The following SRRM4 variants were observed in gnomAD, a reference collection of about 807,000 sequenced individuals.
SRRM4 encodes serine/arginine repetitive matrix 4.
In SRRM4, 33 loss-of-function variants were observed where a neutral mutation model predicts 68.9. The observed-to-expected ratio is 0.48, with a 90% CI of 0.36 to 0.64. The LOEUF is 0.64. Among genes scored for constraint, SRRM4 ranks in the 30% least tolerant of loss-of-function variants. The probability of loss-of-function intolerance (pLI) is 0.00; values close to 1 mark genes in which losing one functional copy is unlikely to be tolerated. For synonymous variants in SRRM4, 318 were observed against 318.8 expected, an observed-to-expected ratio of 1.00 and a Z score of 0.03; for missense variants, 817 against 827.1, an observed-to-expected ratio of 0.99 and a Z score of 0.15.
intron 1 of SRRM4, among the ~76,000 whole-genome samples, chr12:119,006,632 C>T (rs779019269): frequency 8.5e-5 from 13 of 152,156 alleles, no homozygotes; most frequent in East Asian, 3.9e-4. Context: ...TATCAGGACA[C>T]GGAGGATTGC....
chr12:119,114,350 G>C lies in SRRM4; in HGVS notation c.351G>C (p.Arg117=), dbSNP rs758756986. The change falls in exon 3 of 13, where the codon CGG becomes CGC. Residue 117 remains arginine, a synonymous_variant. Coordinates refer to ENST00000267260, the MANE Select transcript of SRRM4 (RefSeq NM_194286.4). ...RGKKKKKKST[R]KKRRRSSSYS... ...AGAAGAAAAAGAAGAAATCCACTCG[G>C]AAGAAGAGAAGGAGGTAAGAGCACC... is the stretch of plus-strand genomic sequence containing the variant. 8.7e-6 allele frequency: 14 copies of C among 1,607,090 alleles called. No individual in the cohort carries two copies. Among genetic ancestry groups the C allele is most frequent in the Non-Finnish European group, 1.2e-5 (14 of 1,176,744 alleles).
At chr12:119,139,569 T>C (rs371724170) in intron 8 of SRRM4, among the ~76,000 whole-genome samples, 7 of 152,296 alleles carry the variant, frequency 4.6e-5, no homozygotes, top group African/African-American at 1.7e-4. Flanking sequence ...CAGGAATGAA[T>C]GTCTTCAGGT....
intron 8 of SRRM4, among the ~76,000 whole-genome samples, chr12:119,139,001 G>T (rs1157684441): frequency 1.3e-5 from 2 of 152,196 alleles, no homozygotes; most frequent in Non-Finnish European, 2.9e-5. Flanking sequence ...AGAGGATCTG[G>T]AGTGGCTCTT....
chr12:119,034,865 C>A (rs11609417), intron 1 of SRRM4, among the ~76,000 whole-genome samples: 6,168 of 152,212 alleles, frequency 0.041, 196 homozygotes, highest in East Asian at 0.14. Flanking sequence ...CTTAAAAATT[C>A]ATATAATAGA....
At position 119,006,389 on chromosome 12, in the gene SRRM4, C is replaced by T. The variant is rs1325278973; in HGVS notation, c.131+24376C>T. On this transcript the variant is annotated intron_variant, in intron 1 of 12. Coordinates refer to ENST00000267260, the MANE Select transcript of SRRM4 (RefSeq NM_194286.4). The stretch of plus-strand genomic sequence containing the variant: ...TGGTCAGTGATCTTGGATTTCCCAC[C>T]ATAGAAAAATTGAAAAGTCCCTATG... Among the ~76,000 whole-genome samples, 9 of 152,208 alleles carry T rather than the reference C, an allele frequency of 5.9e-5. No individual in the cohort carries two copies. The East Asian group carries it at 1.5e-3, about 26-fold the overall frequency.
rs150133569 is a variant in SRRM4 at position 119,036,065 on chromosome 12, G to C, written c.131+54052G>C. Among the ~76,000 whole-genome samples, 510 of 152,278 alleles carry C rather than the reference G, an allele frequency of 3.3e-3. 1 individual carries two copies. Among genetic ancestry groups the C allele is most frequent in the Admixed American group, 5.5e-3 (84 of 15,310 alleles). On this transcript the variant is annotated intron_variant, in intron 1 of 12. Coordinates refer to ENST00000267260, the MANE Select transcript of SRRM4 (RefSeq NM_194286.4). ...AAGAGTCAGGTGCTTGGAGAGATAA[G>C]AGATAGATGGAGCCAATGATATCTT...
chr12:119,162,699 G>A lies in SRRM4; in HGVS notation c.*5901G>A, dbSNP rs1954522538. 3 of 152,130 alleles carry A rather than the reference G, an allele frequency of 2.0e-5. 1 individual carries two copies. The South Asian group carries it at 6.2e-4, about 31-fold the overall frequency. The allele number at this position is 152,130 out of a possible 1,614,324, so 9.4% of individuals were successfully genotyped here. ...TTTCCTCAAGCAATGATTGGCCAAG[G>A]ACCTAGCATAATCCACCACATTGGC... On this transcript the variant is annotated 3_prime_UTR_variant, in exon 13 of 13. Coordinates refer to ENST00000267260, the MANE Select transcript of SRRM4 (RefSeq NM_194286.4).
chr12:119,007,304 A>C (rs1953422271), intron 1 of SRRM4, among the ~76,000 whole-genome samples: 1 of 152,232 alleles, frequency 6.6e-6, no homozygotes, highest in Non-Finnish European at 1.5e-5. Flanking sequence ...CCAGTTTTAT[A>C]AATACTGATG....
At chr12:119,112,385 G>A (rs567386388) in intron 2 of SRRM4, among the ~76,000 whole-genome samples, 1 of 152,294 alleles carries the variant, frequency 6.6e-6, no homozygotes, top group Non-Finnish European at 1.5e-5. Context: ...TGTGGAAGAT[G>A]GTGGTTCCTC....
At chr12:119,107,055 C>T (rs1319164370) in intron 2 of SRRM4, among the ~76,000 whole-genome samples, 1 of 152,204 alleles carries the variant, frequency 6.6e-6, no homozygotes, top group Admixed American at 6.5e-5. Context: ...TTTTCTGCAT[C>T]TATTGAGATA....
chr12:119,113,584 C>T (rs933961175), intron 2 of SRRM4, among the ~76,000 whole-genome samples: 3 of 152,182 alleles, frequency 2.0e-5, no homozygotes, highest in African/African-American at 7.2e-5. Flanking sequence ...TGAGGTTCCA[C>T]TAGGTTGGCA....
At chr12:119,020,014 G>A (rs1015221817) in intron 1 of SRRM4, among the ~76,000 whole-genome samples, 1 of 130,642 alleles carries the variant, frequency 7.7e-6, no homozygotes, top group Non-Finnish European at 1.5e-5. Flanking sequence ...TAACCGTACA[G>A]CACCTTTGTA....
At chr12:119,125,571 C>A in intron 7 of SRRM4, 92 bp downstream of exon 7, 3 of 1,120,224 alleles carry the variant, frequency 2.7e-6, no homozygotes, top group Non-Finnish European at 3.9e-6. Context: ...ACACTTCCAG[C>A]ACAGGGTTTG....
intron 1 of SRRM4, among the ~76,000 whole-genome samples, chr12:119,070,906 G>T (rs560794920): frequency 3.3e-5 from 5 of 152,258 alleles, no homozygotes; most frequent in South Asian, 4.1e-4. Flanking sequence ...TGCCAGATCT[G>T]CCCCGTCTTT....
At chr12:119,152,439 A>G (rs1043523369) in intron 10 of SRRM4, among the ~76,000 whole-genome samples, 2 of 152,344 alleles carry the variant, frequency 1.3e-5, no homozygotes, top group African/African-American at 4.8e-5. Context: ...AGCTGCAAAT[A>G]TGACGTCTGA....
At chr12:118,983,666 A>G (rs1228314979) in intron 1 of SRRM4, among the ~76,000 whole-genome samples, 1 of 152,014 alleles carries the variant, frequency 6.6e-6, no homozygotes, top group Non-Finnish European at 1.5e-5. Context: ...CATCTATTTT[A>G]GGGGTGCAGG....
chr12:119,087,174 C>G (rs911304545), intron 1 of SRRM4, among the ~76,000 whole-genome samples: 1 of 152,162 alleles, frequency 6.6e-6, no homozygotes, highest in African/African-American at 2.4e-5. Context: ...CAGGATTGAT[C>G]ATTGTACCAG....
intron 2 of SRRM4, among the ~76,000 whole-genome samples, chr12:119,105,799 T>C (rs1021867028): frequency 1.1e-4 from 17 of 152,214 alleles, no homozygotes; most frequent in South Asian, 2.1e-4. Context: ...GTAGTTTCTT[T>C]TGCTGTGCAG....
chr12:119,089,377 A>T (rs976423185), intron 1 of SRRM4, among the ~76,000 whole-genome samples: 1 of 152,228 alleles, frequency 6.6e-6, no homozygotes, highest in Non-Finnish European at 1.5e-5. Flanking sequence ...TAAAAGTCCC[A>T]ACGGAAGGAC....
Sources: gnomAD v4.1 joint callset for allele counts (sites outside exome capture counted in the v4.1 genomes callset) on GRCh38, gnomAD v4.1.1 for gene constraint, MANE v1.5 for transcripts, NCBI Gene and HGNC (gene_info 2026-07-23, HGNC 2026-07-21) for gene names.